The following ACACA variants were observed in gnomAD, a reference collection of about 807,000 sequenced individuals.
ACACA encodes the protein acetyl-CoA carboxylase alpha, also known as acetyl-CoA carboxylase 1.
A neutral mutation model predicts 296.1 loss-of-function variants in ACACA; 103 were observed. That is an observed-to-expected ratio of 0.35 (90% CI 0.30 to 0.41). The LOEUF (loss-of-function observed/expected upper bound fraction) is 0.41. Among genes scored for constraint, ACACA ranks in the 10% least tolerant of loss-of-function variants. The pLI, the probability that ACACA is intolerant of heterozygous loss-of-function variation, is 1.00. For synonymous variants in ACACA, 953 were observed against 1,038.6 expected, an observed-to-expected ratio of 0.92 and a Z score of 1.58; for missense variants, 1,554 against 2,989.7, an observed-to-expected ratio of 0.52 and a Z score of 11.20.
At chr17:37,196,267 T>A (rs1289374687) in intron 35 of ACACA, among the ~76,000 whole-genome samples, 1 of 151,342 alleles carries the variant, frequency 6.6e-6, no homozygotes, top group Non-Finnish European at 1.5e-5. Flanking sequence ...GTTGGTCCAC[T>A]ACCAAACAGA....
At chr17:37,308,860 C>T (rs977129322) in intron 3 of ACACA, among the ~76,000 whole-genome samples, 1 of 152,146 alleles carries the variant, frequency 6.6e-6, no homozygotes, top group African/African-American at 2.4e-5. Flanking sequence ...CTGCTTGAAC[C>T]TGAGAGGCGG....
chr17:37,144,074 T>A, intron 45 of ACACA: 1 of 763,424 alleles, frequency 1.3e-6, no homozygotes, highest in Admixed American at 1.8e-5. Flanking sequence ...TAGGTTTTCA[T>A]TTCTCTTTCA....
chr17:37,175,785 T>C (rs17138930), intron 41 of ACACA, among the ~76,000 whole-genome samples: 20,019 of 152,250 alleles, frequency 0.13, 1,964 homozygotes, highest in East Asian at 0.45. Context: ...CATTCAAATA[T>C]GACAATGAGA....
At chr17:37,270,293 C>G (rs1243605222) in intron 10 of ACACA, among the ~76,000 whole-genome samples, 3 of 152,110 alleles carry the variant, frequency 2.0e-5, no homozygotes, top group Non-Finnish European at 4.4e-5. Flanking sequence ...GCAATGTGAA[C>G]TAAAGTGAGA....
chr17:37,139,388 A>G (rs551242461), intron 45 of ACACA, among the ~76,000 whole-genome samples: 1 of 152,304 alleles, frequency 6.6e-6, no homozygotes, highest in Admixed American at 6.5e-5. Flanking sequence ...GAAATGGACA[A>G]TGGATATAGG....
At chr17:37,142,177 C>T (rs1174582341) in intron 45 of ACACA, among the ~76,000 whole-genome samples, 1 of 152,058 alleles carries the variant, frequency 6.6e-6, no homozygotes, top group Non-Finnish European at 1.5e-5. Flanking sequence ...GCTGTAGGGT[C>T]TCCCAAATTC....
chr17:37,277,173 C>G (rs1238216485), intron 6 of ACACA, 59 bp from the exon 7 acceptor site: 1 of 1,460,262 alleles, frequency 6.8e-7, no homozygotes, highest in African/African-American at 1.4e-5. Flanking sequence ...CCACAAACTG[C>G]AAGAGTCTCT....
At chr17:37,232,902 G>GTCC (rs1307856193) in intron 25 of ACACA, among the ~76,000 whole-genome samples, 1 of 151,002 alleles carries the variant, frequency 6.6e-6, no homozygotes, top group Non-Finnish European at 1.5e-5. Flanking sequence ...CATCCCCCTT[G>GTCC]TCCTCCTCCT....
At chr17:37,310,793 C>CAAAAA (rs74268026) in intron 3 of ACACA, among the ~76,000 whole-genome samples, 52 of 49,922 alleles carry the variant, frequency 1.0e-3, no homozygotes, top group East Asian at 2.7e-3. Context: ...GACACCATCT[C>CAAAAA]AAAAAAAAAA....
chr17:37,384,562 T>TAAAAAA (rs539817178), intron 1 of ACACA, among the ~76,000 whole-genome samples: 1 of 148,622 alleles, frequency 6.7e-6, no homozygotes, highest in African/African-American at 2.5e-5. Context: ...TCTTACAGAT[T>TAAAAAA]AAAAAAAAAA....
intron 8 of ACACA, chr17:37,274,551 G>C (rs2082196739): frequency 1.1e-6 from 1 of 906,572 alleles, no homozygotes; most frequent in South Asian, 5.1e-5. Flanking sequence ...AAAATGCAAA[G>C]ACGTACAAGA....
chr17:37,191,422 A>G (rs937386350), intron 37 of ACACA, 147 bp from the exon 38 acceptor site: 1 of 846,648 alleles, frequency 1.2e-6, no homozygotes, highest in Non-Finnish European at 1.9e-6. Context: ...GAGTCAGTCC[A>G]GTAACCACAG....
intron 4 of ACACA, 89 bp from the exon 5 acceptor site, chr17:37,283,494 A>G: frequency 6.8e-7 from 1 of 1,462,542 alleles, no homozygotes; most frequent in Non-Finnish European, 9.4e-7. Flanking sequence ...TTACATATCT[A>G]TCTTTCTGTG....
intron 26 of ACACA, 62 bp downstream of exon 26, chr17:37,226,277 T>G: frequency 1.6e-6 from 2 of 1,255,192 alleles, no homozygotes; most frequent in Non-Finnish European, 2.3e-6. Context: ...GTTCATTGTG[T>G]CTAGGACTGC....
Position 37,246,845 on chromosome 17 carries a change from T to C in ACACA, c.2441A>G (p.Gln814Arg). 6.2e-7 allele frequency: 1 copy of C among 1,614,038 alleles called. No individual in the cohort carries two copies. Residue 814 changes from glutamine to arginine, a missense_variant, in exon 19 of 56, where the codon CAG becomes CGG. Around this residue, in one of 16 missense-constraint regions of ACACA, gnomAD observed 316 missense variants for 540.9 expected, o/e 0.58. Coordinates refer to ENST00000616317, the MANE Select transcript of ACACA (RefSeq NM_198834.3). ...VEDGGHVFAG[Q>R]CYAEIEVMKM... Reference sequence around the variant, plus strand: ...CCTGACCTCAATCTCAGCATAGCACTGGCCGGCAAACACATGACCTCCATC... The same window carrying C: ...CCTGACCTCAATCTCAGCATAGCACCGGCCGGCAAACACATGACCTCCATC...
intron 5 of ACACA, among the ~76,000 whole-genome samples, chr17:37,281,543 T>C (rs1345722655): frequency 6.6e-6 from 1 of 152,120 alleles, no homozygotes; most frequent in Non-Finnish European, 1.5e-5. Context: ...ATAAATGAAT[T>C]AATTGGAGTA....
chr17:37,302,647 A>T (rs1185679010), intron 3 of ACACA, among the ~76,000 whole-genome samples: 1 of 152,192 alleles, frequency 6.6e-6, no homozygotes, highest in African/African-American at 2.4e-5. Flanking sequence ...TATAAGTCTT[A>T]TACCTTTTTT....
chr17:37,099,522 C>CTGATGGGAGGAGGGT lies in ACACA; in HGVS notation c.6566-1539_6566-1538insACCCTCCTCCCATCA, dbSNP rs1567656881. On this transcript the variant is annotated intron_variant, in intron 52 of 55. Coordinates refer to ENST00000616317, the MANE Select transcript of ACACA (RefSeq NM_198834.3). ...GGGAGGAGGGCTGATAGCAGGAGGG[C>CTGATGGGAGGAGGGT]TGATGGGAGGAGGGCTGATGGCGGG... is the stretch of plus-strand genomic sequence containing the variant. 5.4e-4 allele frequency among the ~76,000 whole-genome samples: 78 copies of CTGATGGGAGGAGGGT among 143,738 alleles called. 12 individuals are homozygous for CTGATGGGAGGAGGGT. The highest frequency in any genetic ancestry group is 2.3e-3 in the East Asian group (11 of 4,742). 94.3% of individuals were successfully genotyped at this position (143,738 alleles called of 152,430 possible). A position where few individuals can be genotyped will look rare whatever the true frequency, so the allele number is the denominator to read the frequency against.
chr17:37,119,491 A>C (rs1393340579), intron 50 of ACACA, among the ~76,000 whole-genome samples: 3 of 152,056 alleles, frequency 2.0e-5, no homozygotes, highest in Non-Finnish European at 4.4e-5. Flanking sequence ...AAATATATAC[A>C]ATCATTAATT....
Sources: allele counts gnomAD v4.1 joint callset (sites outside exome capture counted in the v4.1 genomes callset), GRCh38; gene constraint gnomAD v4.1.1; regional missense constraint gnomAD v4.1.1; transcripts MANE v1.5; gene names NCBI Gene and HGNC (gene_info 2026-07-23, HGNC 2026-07-21).